PATJ: variants seen among roughly 807,000 people sequenced by gnomAD.
PATJ encodes the protein inaD-like protein.
A neutral mutation model predicts 224.9 loss-of-function variants in PATJ; 190 were observed. That is an observed-to-expected ratio of 0.84 (90% CI 0.75 to 0.95). The LOEUF is 0.95. Among genes scored for constraint, PATJ ranks in the 40% least tolerant of loss-of-function variants. The probability of loss-of-function intolerance (pLI) is 0.00; values close to 1 mark genes in which losing one functional copy is unlikely to be tolerated. For missense variants in PATJ, 2,121 were observed against 2,270.3 expected (o/e 0.93, Z 1.34); for synonymous variants, 769 against 820.3 (o/e 0.94, Z 1.07).
At chr1:61,759,068 T>C (rs1645809571) in intron 1 of PATJ, among the ~76,000 whole-genome samples, 1 of 152,238 alleles carries the variant, frequency 6.6e-6, no homozygotes, top group African/African-American at 2.4e-5. Context: ...TTCTTATCTA[T>C]TACAAACCTT....
intron 27 of PATJ, among the ~76,000 whole-genome samples, chr1:61,963,815 A>G (rs568380871): frequency 4.1e-4 from 62 of 152,262 alleles, no homozygotes; most frequent in African/African-American, 1.3e-3. Flanking sequence ...CTGAGGGTTA[A>G]TTGTATAGAA....
At chr1:62,122,333 C>T (rs1188343567) in intron 38 of PATJ, among the ~76,000 whole-genome samples, 2 of 148,658 alleles carry the variant, frequency 1.3e-5, no homozygotes, top group East Asian at 3.9e-4. Flanking sequence ...CCACTGCACT[C>T]CAGCCTGGGC....
At chr1:61,947,579 G>A (rs1678941337) in intron 27 of PATJ, among the ~76,000 whole-genome samples, 1 of 152,058 alleles carries the variant, frequency 6.6e-6, no homozygotes, top group Non-Finnish European at 1.5e-5. Context: ...ACAAACAAAT[G>A]GAAGAACATT....
At chr1:61,970,321 A>G (rs1240493779) in intron 27 of PATJ, among the ~76,000 whole-genome samples, 1 of 151,978 alleles carries the variant, frequency 6.6e-6, no homozygotes, top group Non-Finnish European at 1.5e-5. Context: ...AACCTCTCCC[A>G]CTATCAATAT....
intron 28 of PATJ, among the ~76,000 whole-genome samples, chr1:61,995,651 C>T (rs1045698567): frequency 1.3e-5 from 2 of 152,128 alleles, no homozygotes; most frequent in Non-Finnish European, 2.9e-5. Context: ...TTACATTAAG[C>T]CCCTAAAAGA....
rs573346987 is a variant in PATJ at position 61,901,107 on chromosome 1, T to C, written c.3204-175T>C. Among the ~76,000 whole-genome samples the C allele has an allele frequency of 5.4e-4, 83 of 152,372 alleles. No homozygotes were observed. In the South Asian group the frequency reaches 0.015, roughly 27 times the overall value. On this transcript the variant is annotated intron_variant, in intron 23 of 43. Transcript: ENST00000642238. ...TCAGAACTAAAACTTTCATTTGTTA[T>C]GAATTATTGATAACATAATGTTGGA...
intron 31 of PATJ, among the ~76,000 whole-genome samples, chr1:62,055,585 C>A (rs1055477338): frequency 6.6e-6 from 1 of 152,224 alleles, no homozygotes; most frequent in South Asian, 2.1e-4. Flanking sequence ...TACCAGAGTG[C>A]GCTGTAGTCA....
chr1:62,009,226 A>G (rs917826257), intron 28 of PATJ, among the ~76,000 whole-genome samples: 3 of 152,142 alleles, frequency 2.0e-5, no homozygotes, highest in Non-Finnish European at 4.4e-5. Flanking sequence ...ACCTATATAT[A>G]TATTGAACCT....
chr1:61,849,491 G>T (rs1206035134), intron 17 of PATJ, among the ~76,000 whole-genome samples: 7 of 152,194 alleles, frequency 4.6e-5, no homozygotes, highest in Non-Finnish European at 1.0e-4. Flanking sequence ...TACTCAGGAG[G>T]CTGAGGTGGG....
At chr1:61,896,351 T>G (rs1571171853) in intron 22 of PATJ, among the ~76,000 whole-genome samples, 1 of 152,128 alleles carries the variant, frequency 6.6e-6, no homozygotes, top group East Asian at 1.9e-4. Flanking sequence ...ACATGGGGCC[T>G]GTGGCTCCTT....
intron 41 of PATJ, among the ~76,000 whole-genome samples, chr1:62,144,852 T>C (rs1667884746): frequency 6.7e-6 from 1 of 150,024 alleles, no homozygotes; most frequent in Non-Finnish European, 1.5e-5. Context: ...TGTTTGTGGG[T>C]TTATTTTTAT....
chr1:61,981,690 G>A lies in PATJ; in HGVS notation c.3671-8478G>A, dbSNP rs77595971. ...TTGTGATTCTTTTTTTTTTTTTTTGGAGACGGAGTCTCACTCTGTCGCCCA... is the reference window on the plus strand; with the variant it reads ...TTGTGATTCTTTTTTTTTTTTTTTGAAGACGGAGTCTCACTCTGTCGCCCA... On this transcript the variant is annotated intron_variant, in intron 27 of 43. Transcript: ENST00000642238. Among the ~76,000 whole-genome samples the A allele has an allele frequency of 1.2e-4, 18 of 148,702 alleles. 1 individual carries two copies. Among genetic ancestry groups the A allele is most frequent in the African/African-American group, 3.5e-4 (14 of 40,236 alleles).
intron 6 of PATJ, 113 bp from the exon 7 acceptor site, chr1:61,775,093 G>A: frequency 9.3e-7 from 1 of 1,073,446 alleles, no homozygotes; most frequent in Non-Finnish European, 1.3e-6. Flanking sequence ...TTGATTAATT[G>A]CATGAATGTT....
At chr1:61,973,701 A>G (rs1395213946) in intron 27 of PATJ, among the ~76,000 whole-genome samples, 1 of 151,938 alleles carries the variant, frequency 6.6e-6, no homozygotes, top group Non-Finnish European at 1.5e-5. Flanking sequence ...TGAGCTTGCA[A>G]CTCACCACTT....
intron 1 of PATJ, among the ~76,000 whole-genome samples, chr1:61,752,502 C>T (rs918387248): frequency 3.3e-5 from 5 of 151,776 alleles, no homozygotes; most frequent in South Asian, 2.1e-4. Context: ...TCAGTAGAGG[C>T]GGGTTTTCAC....
Position 61,749,097 on chromosome 1 carries a change from C to T in PATJ, c.-36+6542C>T, listed in dbSNP as rs552941612. Among the ~76,000 whole-genome samples, 19 of 152,046 alleles carry T rather than the reference C, an allele frequency of 1.2e-4. 1 individual carries two copies. The highest frequency in any genetic ancestry group is 4.6e-4 in the African/African-American group (19 of 41,500). On this transcript the variant is annotated intron_variant, in intron 1 of 43. Transcript: ENST00000642238. ...GTTCAAGCAATTCTTCTGCCTCAGC[C>T]TCCCAAGTAGCTGGGATTCAGGTGC... is the stretch of plus-strand genomic sequence containing the variant.
intron 32 of PATJ, among the ~76,000 whole-genome samples, chr1:62,080,265 G>A (rs1258650465): frequency 1.3e-5 from 2 of 152,018 alleles, no homozygotes; most frequent in African/African-American, 4.8e-5. Context: ...TAAATTCCTG[G>A]CTTGAATTAT....
intron 33 of PATJ, among the ~76,000 whole-genome samples, chr1:62,095,678 G>GA (rs1553265418): frequency 8.6e-5 from 13 of 151,426 alleles, no homozygotes; most frequent in Non-Finnish European, 1.3e-4. Flanking sequence ...GTGCTTCCCA[G>GA]TTTTTTTTTG....
rs1426419298 is a variant in PATJ, at chr1:61,791,474, T to A, written c.1168+27T>A. On this transcript the variant is annotated intron_variant, in intron 9 of 43. Transcript: ENST00000642238. ...TAAATGAATCATTTCTATTTTATAT[T>A]TGGAAATTGTAAAGGATGTTAAGGT... is the stretch of plus-strand genomic sequence containing the variant. 2.2e-6 allele frequency: 3 copies of A among 1,374,998 alleles called. 1 individual carries two copies. The highest frequency in any genetic ancestry group is 4.6e-5 in the East Asian group (2 of 43,552). 85.2% of individuals were successfully genotyped at this position (1,374,998 alleles called of 1,614,324 possible).
Sources: gnomAD v4.1 joint callset for allele counts (sites outside exome capture counted in the v4.1 genomes callset) on GRCh38, gnomAD v4.1.1 for gene constraint, MANE v1.5 for transcripts, NCBI Gene and HGNC (gene_info 2026-07-23, HGNC 2026-07-21) for gene names.